The following HSDL2 variants were observed in gnomAD, a reference collection of about 807,000 sequenced individuals.
HSDL2 encodes hydroxysteroid dehydrogenase like 2.
Under a neutral mutation model 46.3 loss-of-function variants are expected in HSDL2, and 27 were observed. The observed-to-expected ratio is 0.58, with a 90% CI of 0.43 to 0.80. HSDL2 has a LOEUF of 0.80. Among genes scored for constraint, HSDL2 ranks in the 30% least tolerant of loss-of-function variants. HSDL2 has a pLI of 0.00. For synonymous variants in HSDL2, 153 were observed against 163.6 expected (o/e 0.94, Z 0.50); for missense variants, 451 against 502.7 (o/e 0.90, Z 0.98).
intron 1 of HSDL2, among the ~76,000 whole-genome samples, chr9:112,392,962 C>G (rs1831380501): frequency 6.6e-6 from 1 of 152,182 alleles, no homozygotes; most frequent in South Asian, 2.1e-4. Flanking sequence ...CTGTTCCCTC[C>G]ATTGGGGGGT....
chr9:112,438,374 A>C, intron 6 of HSDL2, 57 bp from the exon 7 acceptor site: 1 of 1,118,522 alleles, frequency 8.9e-7, no homozygotes. Context: ...TTACTTCCAT[A>C]GTTTTATTAT....
chr9:112,393,155 C>G (rs140656115), intron 1 of HSDL2, among the ~76,000 whole-genome samples: 16 of 152,306 alleles, frequency 1.1e-4, no homozygotes, highest in African/African-American at 3.8e-4. Context: ...TAGACTTAAT[C>G]CAAGTCGTGG....
Position 112,438,660 on chromosome 9 carries a change from G to A in HSDL2, c.793+35G>A, listed in dbSNP as rs114384676. On this transcript the variant is annotated intron_variant, in intron 7 of 10. Coordinates refer to ENST00000398805, the MANE Select transcript of HSDL2 (RefSeq NM_032303.5). The stretch of plus-strand genomic sequence containing the variant: ...TTATAGTTTTTAAAAGTAGTGATAC[G>A]TTTTTCCATATTTTCTGCAATGAAC... 689 of 1,263,056 alleles carry A rather than the reference G, an allele frequency of 5.5e-4. 3 individuals carry two copies. The African/African-American group carries it at 9.2e-3, about 17-fold the overall frequency. The allele number at this position is 1,263,056 out of a possible 1,614,324, so 78.2% of individuals were successfully genotyped here. A position where few individuals can be genotyped will look rare whatever the true frequency, so the allele number is the denominator to read the frequency against.
intron 1 of HSDL2, among the ~76,000 whole-genome samples, chr9:112,389,159 T>C (rs1831283197): frequency 6.6e-6 from 1 of 152,108 alleles, no homozygotes; most frequent in Non-Finnish European, 1.5e-5. Context: ...CCCGAGTAGC[T>C]GGGACTACAG....
intron 1 of HSDL2, 71 bp from the exon 2 acceptor site, chr9:112,403,924 A>G: frequency 6.9e-7 from 1 of 1,457,834 alleles, no homozygotes; most frequent in South Asian, 1.2e-5. Flanking sequence ...GAAAATATGC[A>G]TGAGGTTCTG....
chr9:112,401,776 T>C lies in HSDL2; in HGVS notation c.18-2219T>C, dbSNP rs148943441. Among the ~76,000 whole-genome samples, 344 of 152,290 alleles carry C rather than the reference T, an allele frequency of 2.3e-3. 1 individual carries two copies. Among genetic ancestry groups the C allele is most frequent in the African/African-American group, 7.8e-3 (323 of 41,548 alleles). On this transcript the variant is annotated intron_variant, in intron 1 of 10. Transcript: ENST00000398805. ...ATATACAGGCTGGTTTCTGGGGTAT[T>C]GGTAATATTCTATTTCTTGCCTTGA...
intron 4 of HSDL2, among the ~76,000 whole-genome samples, chr9:112,414,202 C>T (rs1029352222): frequency 1.1e-4 from 16 of 152,148 alleles, no homozygotes; most frequent in Non-Finnish European, 2.9e-5. Flanking sequence ...AATGTTAGTA[C>T]GGGTCTTTGA....
At chr9:112,400,795 C>T (rs1319541030) in intron 1 of HSDL2, among the ~76,000 whole-genome samples, 5 of 152,212 alleles carry the variant, frequency 3.3e-5, no homozygotes, top group Non-Finnish European at 7.3e-5. Flanking sequence ...TCAGGGCTTG[C>T]AGCTGCATCC....
At chr9:112,438,385 T>C in intron 6 of HSDL2, 46 bp from the exon 7 acceptor site, 1 of 1,213,596 alleles carries the variant, frequency 8.2e-7, no homozygotes, top group African/African-American at 1.6e-5. Context: ...GTTTTATTAT[T>C]TGATTTGGAG....
intron 1 of HSDL2, among the ~76,000 whole-genome samples, chr9:112,403,769 T>C (rs890184006): frequency 6.6e-6 from 1 of 152,254 alleles, no homozygotes; most frequent in Non-Finnish European, 1.5e-5. Flanking sequence ...TTTTGTTTGC[T>C]AAATCACAGC....
chr9:112,380,833 C>T (rs902575502), intron 1 of HSDL2, among the ~76,000 whole-genome samples: 85 of 152,146 alleles, frequency 5.6e-4, no homozygotes, highest in African/African-American at 1.9e-3. Flanking sequence ...AACAACTCCT[C>T]TTCCCCACCT....
At chr9:112,450,431 A>G (rs1169426234) in intron 8 of HSDL2, among the ~76,000 whole-genome samples, 1 of 152,036 alleles carries the variant, frequency 6.6e-6, no homozygotes, top group Non-Finnish European at 1.5e-5. Context: ...GGAGTTCAAG[A>G]CCAGCCTGGC....
At chr9:112,383,991 C>G (rs115853564) in intron 1 of HSDL2, among the ~76,000 whole-genome samples, 1,900 of 152,288 alleles carry the variant, frequency 0.012, 33 homozygotes, top group African/African-American at 0.044. Flanking sequence ...GTGAGCCACT[C>G]TACCCAGCCC....
intron 8 of HSDL2, among the ~76,000 whole-genome samples, chr9:112,452,656 A>T (rs1832915100): frequency 6.6e-6 from 1 of 152,192 alleles, no homozygotes; most frequent in Non-Finnish European, 1.5e-5. Context: ...CTGAAGCTGG[A>T]GAATCACTTG....
chr9:112,404,980 G>A (rs991171923), intron 2 of HSDL2, among the ~76,000 whole-genome samples: 4 of 152,242 alleles, frequency 2.6e-5, no homozygotes, highest in Admixed American at 2.6e-4. Flanking sequence ...GAAGATAGGT[G>A]ATGGATTCCT....
At position 112,390,065 on chromosome 9, in the gene HSDL2, AAAAT is replaced by A. The variant is rs55985147; in HGVS notation, c.17+9917_17+9920del. On this transcript the variant is annotated intron_variant, in intron 1 of 10. Transcript: ENST00000398805. Reference sequence around the variant, plus strand: ...GGGCAACAGAGTGAGACTCTGTCTCAAAATAAATAAATAAATAAATAAATAAATA... The same window carrying A: ...GGGCAACAGAGTGAGACTCTGTCTCAAAATAAATAAATAAATAAATAAATA... 1.8e-3 allele frequency among the ~76,000 whole-genome samples: 259 copies of A among 143,244 alleles called. 2 individuals are homozygous for A. Among genetic ancestry groups the A allele is most frequent in the African/African-American group, 4.6e-3 (177 of 38,368 alleles). 94.0% of individuals were successfully genotyped at this position (143,244 alleles called of 152,430 possible).
At chr9:112,404,703 C>G (rs1158547900) in intron 2 of HSDL2, among the ~76,000 whole-genome samples, 2 of 152,252 alleles carry the variant, frequency 1.3e-5, no homozygotes, top group African/African-American at 4.8e-5. Context: ...CATTTTAATA[C>G]TTTTAGTTGA....
chr9:112,463,687 C>T, intron 10 of HSDL2, among the ~76,000 whole-genome samples: 1 of 13,460 alleles, frequency 7.4e-5, no homozygotes, highest in South Asian at 5.2e-3. Flanking sequence ...TTTTTTGAGA[C>T]ACAGTCTTGC....
intron 1 of HSDL2, among the ~76,000 whole-genome samples, chr9:112,387,759 G>A (rs1056354232): frequency 4.6e-5 from 7 of 152,160 alleles, no homozygotes; most frequent in Non-Finnish European, 7.3e-5. Flanking sequence ...ACGGATGGAC[G>A]TTGTATGCTG....
Sources: gnomAD v4.1 joint callset for allele counts (sites outside exome capture counted in the v4.1 genomes callset) on GRCh38, gnomAD v4.1.1 for gene constraint, MANE v1.5 for transcripts, NCBI Gene and HGNC (gene_info 2026-07-23, HGNC 2026-07-21) for gene names.